The following SPEG variants were observed in gnomAD, a reference collection of about 807,000 sequenced individuals.
SPEG encodes the protein striated muscle enriched protein kinase.
In SPEG, 114 loss-of-function variants were observed where a neutral mutation model predicts 300.4. That is an observed-to-expected ratio of 0.38 (90% CI 0.33 to 0.44). The LOEUF (loss-of-function observed/expected upper bound fraction) is 0.44, where lower values mean the gene tolerates loss of function less well. Ranked by LOEUF, SPEG falls within the 20% of genes least tolerant of loss-of-function variation. The pLI is 1.00. For missense variants in SPEG, 4,201 were observed against 4,586.2 expected (o/e 0.92, Z 2.43); for synonymous variants, 1,964 against 2,018.9 (o/e 0.97, Z 0.73).
In SPEG at chr2:219,445,273, G is replaced by C; in HGVS notation, c.815+112G>C. The C allele has an allele frequency of 9.4e-7, 1 of 1,061,466 alleles. No individual in the cohort carries two copies. The highest frequency in any genetic ancestry group is 1.4e-6 in the Non-Finnish European group (1 of 712,798). The allele number at this position is 1,061,466 out of a possible 1,614,324, so 65.8% of individuals were successfully genotyped here. A position where few individuals can be genotyped will look rare whatever the true frequency, so the allele number is the denominator to read the frequency against. The stretch of plus-strand genomic sequence containing the variant: ...ATCACCCTGCCCCATCCATCTCTCT[G>C]TGCATTTCTTCACCCCCTGCTGCCA... On this transcript the variant is annotated intron_variant, in intron 3 of 40. Coordinates refer to ENST00000312358, the MANE Select transcript of SPEG (RefSeq NM_005876.5). The surrounding 1 kb of genome is among the most constrained non-coding windows in gnomAD (Gnocchi z 6.1).
rs1285660858 is a variant in SPEG at position 219,464,012 on chromosome 2, C to T, written c.2706-421C>T. Among the ~76,000 whole-genome samples the T allele has an allele frequency of 6.6e-6, 1 of 151,760 alleles. No homozygotes were observed. Among genetic ancestry groups the T allele is most frequent in the Non-Finnish European group, 1.5e-5 (1 of 68,002 alleles). On this transcript the variant is annotated intron_variant, in intron 8 of 40. Coordinates refer to ENST00000312358, the MANE Select transcript of SPEG (RefSeq NM_005876.5). This position sits in a 1 kb window ranked among gnomAD's most constrained non-coding sequence, Gnocchi z 4.5. ...TGGCGTGTGCCTGTAGTCCCAGCTA[C>T]TCAGGAGGCTGAGATGGGGAGATCG...
At chr2:219,485,263 G>A in intron 30 of SPEG, 83 bp from the exon 31 acceptor site, 1 of 1,535,420 alleles carries the variant, frequency 6.5e-7, no homozygotes, top group Non-Finnish European at 8.8e-7. Flanking sequence ...GGTTCCTTCT[G>A]GTTCTCTGGG....
chr2:219,485,944 G>A (rs138472398), intron 31 of SPEG, among the ~76,000 whole-genome samples: 1 of 152,002 alleles, frequency 6.6e-6, no homozygotes, highest in East Asian at 1.9e-4. Context: ...AGGAGCTCAA[G>A]ATATAGGGCC....
chr2:219,484,158 C>G lies in SPEG; in HGVS notation c.6695C>G (p.Pro2232Arg), dbSNP rs201950092. The G allele has an allele frequency of 2.0e-4, 324 of 1,613,708 alleles. 2 individuals carry two copies. In the South Asian group the frequency reaches 2.7e-3, roughly 14 times the overall value. ...CGAGCCTCCAAGCCTGCACCACCCC[C>G]CCAGGCCCTGCAAACCCTAGCGCTG... Reference protein sequence around the residue: ...PVRASKPAPPPQALQTLALPL... With the variant: ...PVRASKPAPPRQALQTLALPL... The change falls in exon 30 of 41, where the codon CCC becomes CGC. Residue 2232 changes from proline (P) to arginine (R), a missense_variant. Around this residue, in one of 4 missense-constraint regions of SPEG, gnomAD observed 1,578 missense variants for 1,506.0 expected, o/e 1.05. Coordinates refer to ENST00000312358, the MANE Select transcript of SPEG (RefSeq NM_005876.5).
chr2:219,442,207 G>C (rs1488241525), intron 1 of SPEG: 1 of 566,380 alleles, frequency 1.8e-6, no homozygotes, highest in Non-Finnish European at 2.5e-6. Context: ...TGCCCCACCC[G>C]AGCCCCGCCG....
intron 10 of SPEG, 62 bp from the exon 11 acceptor site, chr2:219,468,516 T>C: frequency 6.4e-7 from 1 of 1,563,536 alleles, no homozygotes; most frequent in Non-Finnish European, 8.7e-7. Context: ...TCAGGAGTGG[T>C]GGGTTGGGAT....
Position 219,480,810 on chromosome 2 carries a change from C to A in SPEG, c.5369+113C>A. 2 of 1,000,112 alleles carry A rather than the reference C, an allele frequency of 2.0e-6. No individual in the cohort carries two copies. Among genetic ancestry groups the A allele is most frequent in the African/African-American group, 1.6e-5 (1 of 63,304 alleles). 62.0% of individuals were successfully genotyped at this position (1,000,112 alleles called of 1,614,324 possible). A position where few individuals can be genotyped will look rare whatever the true frequency, so the allele number is the denominator to read the frequency against. On this transcript the variant is annotated intron_variant, in intron 26 of 40. Coordinates refer to ENST00000312358, the MANE Select transcript of SPEG (RefSeq NM_005876.5). This position sits in a 1 kb window ranked among gnomAD's most constrained non-coding sequence, Gnocchi z 5.3. ...GCACCCCCCACTCCTTCTTGCACTG[C>A]AAGGAGCCTCATGTGCATGAAGGTG... is the stretch of plus-strand genomic sequence containing the variant.
At chr2:219,446,101 G>C (rs1005226649) in intron 3 of SPEG, among the ~76,000 whole-genome samples, 2 of 152,010 alleles carry the variant, frequency 1.3e-5, no homozygotes, top group Non-Finnish European at 2.9e-5. Context: ...GGGGCCTGGT[G>C]GGGGAGGCTG....
Position 219,448,127 on chromosome 2 carries a change from A to T in SPEG, c.969A>T (p.Gly323=), listed in dbSNP as rs767092796. ...SPRVGKRSPP[G]PPAQPAATPT... is the part of the protein sequence containing the mutation. ...GGGTCGGGAAGCGGTCCCCGCCGGG[A>T]CCCCCGGCCCAGCCCGCGGCCACCC... The change falls in exon 4 of 41, where the codon GGA becomes GGT. Residue 323 remains glycine (G), a synonymous_variant. Transcript: ENST00000312358. The T allele has an allele frequency of 6.2e-7, 1 of 1,604,364 alleles. No homozygotes were observed. Among genetic ancestry groups the T allele is most frequent in the Admixed American group, 1.7e-5 (1 of 59,192 alleles).
chr2:219,480,199 G>A lies in SPEG; in HGVS notation c.5342+59G>A. 2 of 1,554,006 alleles carry A rather than the reference G, an allele frequency of 1.3e-6. No homozygotes were observed. Among genetic ancestry groups the A allele is most frequent in the East Asian group, 2.3e-5 (1 of 44,302 alleles). On this transcript the variant is annotated intron_variant, in intron 25 of 40. Coordinates refer to ENST00000312358, the MANE Select transcript of SPEG (RefSeq NM_005876.5). The surrounding 1 kb of genome is among the most constrained non-coding windows in gnomAD (Gnocchi z 5.3). ...GCAGCTGCCCTTGGGGCTGTGCTGG[G>A]GACGCGCTCACTGGCAGGGAGATTT...
chr2:219,467,817 A>G (rs530965675), intron 10 of SPEG, among the ~76,000 whole-genome samples: 1 of 152,246 alleles, frequency 6.6e-6, no homozygotes, highest in African/African-American at 2.4e-5. Context: ...GGCAGGATTA[A>G]TGAGATAGTT....
intron 8 of SPEG, among the ~76,000 whole-genome samples, chr2:219,462,873 A>G (rs1179502342): frequency 6.6e-6 from 1 of 152,196 alleles, no homozygotes; most frequent in Non-Finnish European, 1.5e-5. Context: ...AGCTGAGATC[A>G]CACCATTGCA....
rs1461372697 is a variant in SPEG at position 219,481,425 on chromosome 2, T to G, written c.5491T>G (p.Phe1831Val). The stretch of plus-strand genomic sequence containing the variant: ...GAGCCTGAGCAGGGAGGCCCGGGGC[T>G]TCCTCATCAAAGTGTTGGTGCAGGA... Reference protein sequence around the residue: ...FLSLSREARGFLIKVLVQDRL... With the variant: ...FLSLSREARGVLIKVLVQDRL... Residue 1831 changes from phenylalanine (F) to valine (V), a missense_variant, in exon 27 of 41, where the codon TTC becomes GTC. Phe to Val is a conservative substitution (Grantham distance 50). Transcript: ENST00000312358. The surrounding 1 kb of genome is among the most constrained non-coding windows in gnomAD (Gnocchi z 5.4). 6.2e-7 allele frequency: 1 copy of G among 1,614,134 alleles called. No individual in the cohort carries two copies. The highest frequency in any genetic ancestry group is 1.7e-5 in the Admixed American group (1 of 60,026).
At position 219,464,732 on chromosome 2, in the gene SPEG, T is replaced by C. The variant is rs187468631; in HGVS notation, c.2881+124T>C. 12 of 837,504 alleles carry C rather than the reference T, an allele frequency of 1.4e-5. No individual in the cohort carries two copies. In the Admixed American group the frequency reaches 2.7e-4, roughly 19 times the overall value. The allele number at this position is 837,504 out of a possible 1,614,324, so 51.9% of individuals were successfully genotyped here. On this transcript the variant is annotated intron_variant, in intron 9 of 40. Coordinates refer to ENST00000312358, the MANE Select transcript of SPEG (RefSeq NM_005876.5). This position sits in a 1 kb window ranked among gnomAD's most constrained non-coding sequence, Gnocchi z 4.5. ...TGAAAGGGCCTTAAGGGGCCCCTAG[T>C]CCAGCTGCTTATATTATTGTTGAGT...
chr2:219,435,844 G>A (rs1251041291), intron 1 of SPEG, among the ~76,000 whole-genome samples: 1 of 152,228 alleles, frequency 6.6e-6, no homozygotes, highest in Non-Finnish European at 1.5e-5. Context: ...GCAGGCCATT[G>A]CCGTGGCAGG....
Position 219,444,826 on chromosome 2 carries a change from G to A in SPEG, c.480G>A (p.Gly160=). The A allele has an allele frequency of 6.3e-7, 1 of 1,593,808 alleles. No individual in the cohort carries two copies. Among genetic ancestry groups the A allele is most frequent in the Non-Finnish European group, 8.6e-7 (1 of 1,168,836 alleles). ...RDDGAFSTPT[G]GSDTLVGTSL... The stretch of plus-strand genomic sequence containing the variant: ...GTCTCACGGTGCTCCTTTCTCTAGG[G>A]GGTTCTGACACCCTGGTGGGCACCT... The change falls in exon 3 of 41, where the codon GGG becomes GGA. Residue 160 remains glycine, a splice_region_variant and synonymous_variant. Coordinates refer to ENST00000312358, the MANE Select transcript of SPEG (RefSeq NM_005876.5). This position sits in a 1 kb window ranked among gnomAD's most constrained non-coding sequence, Gnocchi z 7.8.
rs1311930617 is a variant in SPEG at position 219,464,715 on chromosome 2, C to A, written c.2881+107C>A. The A allele has an allele frequency of 6.8e-6, 8 of 1,170,032 alleles. No homozygotes were observed. Among genetic ancestry groups the A allele is most frequent in the Non-Finnish European group, 9.7e-6 (8 of 823,650 alleles). 72.5% of individuals were successfully genotyped at this position (1,170,032 alleles called of 1,614,324 possible). A position where few individuals can be genotyped will look rare whatever the true frequency, so the allele number is the denominator to read the frequency against. On this transcript the variant is annotated intron_variant, in intron 9 of 40. Coordinates refer to ENST00000312358, the MANE Select transcript of SPEG (RefSeq NM_005876.5). This position sits in a 1 kb window ranked among gnomAD's most constrained non-coding sequence, Gnocchi z 4.5. ...TTAGAGGATGCCACCACTGAAAGGG[C>A]CTTAAGGGGCCCCTAGTCCAGCTGC...
In SPEG at chr2:219,464,614, T is replaced by C. The variant is rs528997003; in HGVS notation, c.2881+6T>C. On this transcript the variant is annotated splice_donor_region_variant and intron_variant, in intron 9 of 40. Transcript: ENST00000312358. This position sits in a 1 kb window ranked among gnomAD's most constrained non-coding sequence, Gnocchi z 4.5. ...GGCCCGCTTGGAGGTCCGAGGTGAG[T>C]ACCTGATTTCTCCATGAATGCCCAC... The C allele has an allele frequency of 5.6e-6, 9 of 1,612,516 alleles. No individual in the cohort carries two copies. The South Asian group carries it at 8.8e-5, about 16-fold the overall frequency.
chr2:219,452,164 G>A (rs755698081), intron 6 of SPEG, among the ~76,000 whole-genome samples: 1 of 152,126 alleles, frequency 6.6e-6, no homozygotes, highest in East Asian at 1.9e-4. Context: ...GAATCTCTCC[G>A]CTCACAGGGT....
Sources: gnomAD v4.1 joint callset for allele counts (sites outside exome capture counted in the v4.1 genomes callset) on GRCh38, gnomAD v4.1.1 for gene constraint, gnomAD v4.1.1 regional missense constraint, Gnocchi (gnomAD v3.1) non-coding constraint, MANE v1.5 for transcripts, NCBI Gene and HGNC (gene_info 2026-07-23, HGNC 2026-07-21) for gene names.